The following GRM8 variants were observed in gnomAD, a reference collection of about 807,000 sequenced individuals.
The protein encoded by GRM8 is glutamate metabotropic receptor 8.
GRM8 carries 47 observed loss-of-function variants against 87.2 expected under a neutral mutation model. That is an observed-to-expected ratio of 0.54 (90% CI 0.43 to 0.69). The LOEUF (loss-of-function observed/expected upper bound fraction) is 0.69. Among genes scored for constraint, GRM8 ranks in the 30% least tolerant of loss-of-function variants. GRM8 has a pLI of 0.00. For missense variants in GRM8, 1,019 were observed against 1,139.2 expected (o/e 0.89, Z 1.52); for synonymous variants, 396 against 404.5 (o/e 0.98, Z 0.25).
intron 7 of GRM8, among the ~76,000 whole-genome samples, chr7:126,646,033 A>G (rs1485162026): frequency 6.6e-6 from 1 of 152,114 alleles, no homozygotes; most frequent in Non-Finnish European, 1.5e-5. Context: ...GTAGAGAGAA[A>G]GTGTTACATT....
chr7:126,684,286 G>T lies in GRM8; in HGVS notation c.1358-74788C>A, dbSNP rs1021321067. ...ATGCTAGAATCCTCTTGGGTCCAAG[G>T]ACTCAGCTTCAGGAAAGTGGCCCAC... is the stretch of plus-strand genomic sequence containing the variant. On this transcript the variant is annotated intron_variant, in intron 7 of 10. Transcript: ENST00000339582. Among the ~76,000 whole-genome samples the T allele has an allele frequency of 1.6e-4, 25 of 152,110 alleles. 1 individual carries two copies. Among genetic ancestry groups the T allele is most frequent in the Admixed American group, 1.6e-3 (25 of 15,282 alleles).
At chr7:126,473,623 C>T (rs1201894729) in intron 9 of GRM8, among the ~76,000 whole-genome samples, 1 of 152,052 alleles carries the variant, frequency 6.6e-6, no homozygotes, top group Non-Finnish European at 1.5e-5. Flanking sequence ...GTTGGGAAGG[C>T]ATAGTTAGTT....
intron 7 of GRM8, among the ~76,000 whole-genome samples, chr7:126,649,476 G>T (rs985114792): frequency 1.3e-5 from 2 of 152,148 alleles, no homozygotes; most frequent in African/African-American, 4.8e-5. Context: ...TTCTCAGCTT[G>T]CAGAGAGCCT....
chr7:126,730,718 T>G (rs981486151), intron 7 of GRM8, among the ~76,000 whole-genome samples: 1 of 152,092 alleles, frequency 6.6e-6, no homozygotes, highest in African/African-American at 2.4e-5. Flanking sequence ...AGTTGGTAAC[T>G]GCTTAAATAT....
chr7:127,123,817 C>G (rs1827212391), intron 2 of GRM8, among the ~76,000 whole-genome samples: 1 of 152,064 alleles, frequency 6.6e-6, no homozygotes, highest in Non-Finnish European at 1.5e-5. Flanking sequence ...GAAATAGAAG[C>G]CATCAGTTAA....
intron 3 of GRM8, among the ~76,000 whole-genome samples, chr7:127,026,894 C>T (rs994498811): frequency 1.3e-5 from 2 of 152,128 alleles, no homozygotes; most frequent in Non-Finnish European, 2.9e-5. Flanking sequence ...GTGTTTTAGT[C>T]ATGAAGTCTT....
intron 8 of GRM8, among the ~76,000 whole-genome samples, chr7:126,556,337 TAAA>T (rs3038820): frequency 1.5e-4 from 17 of 111,318 alleles, no homozygotes; most frequent in African/African-American, 2.0e-4. Context: ...TTCTCCTCTT[TAAA>T]AAAAAAAAAA....
At chr7:126,741,299 GA>G (rs1414544340) in intron 7 of GRM8, among the ~76,000 whole-genome samples, 6 of 151,982 alleles carry the variant, frequency 3.9e-5, no homozygotes, top group Non-Finnish European at 7.4e-5. Flanking sequence ...CCAATACACA[GA>G]AGTCACTAAC....
At chr7:127,014,987 G>GGAA (rs1177480885) in intron 3 of GRM8, among the ~76,000 whole-genome samples, 1 of 98,486 alleles carries the variant, frequency 1.0e-5, no homozygotes, top group African/African-American at 4.0e-5. Context: ...AAGGAGAAGA[G>GGAA]GAAGAAGAAG....
chr7:126,985,186 C>T (rs961839547), intron 3 of GRM8, among the ~76,000 whole-genome samples: 5 of 152,114 alleles, frequency 3.3e-5, no homozygotes, highest in African/African-American at 4.8e-5. Flanking sequence ...TTCCTTGTCA[C>T]GTGCATGAAG....
intron 3 of GRM8, among the ~76,000 whole-genome samples, chr7:126,908,188 T>A (rs954662967): frequency 3.4e-4 from 52 of 151,990 alleles, no homozygotes; most frequent in African/African-American, 1.2e-3. Flanking sequence ...GTATTTGAAG[T>A]GTTGTGGGGC....
At chr7:127,222,574 C>T (rs772421909) in intron 2 of GRM8, among the ~76,000 whole-genome samples, 62 of 152,286 alleles carry the variant, frequency 4.1e-4, no homozygotes, top group Non-Finnish European at 5.1e-4. Context: ...GACTTGTTTA[C>T]ATAAAACAGC....
Position 127,114,344 on chromosome 7 carries a change from G to A in GRM8, c.511-7632C>T, listed in dbSNP as rs556240263. ...ATCATGGGGTCAAGGAGAGCCAGGA[G>A]TACACTATATTGCACCATATTTTTA... On this transcript the variant is annotated intron_variant, in intron 2 of 10. Transcript: ENST00000339582. 6.0e-4 allele frequency among the ~76,000 whole-genome samples: 91 copies of A among 152,276 alleles called. 1 individual carries two copies. The highest frequency in any genetic ancestry group is 6.0e-3 in the Admixed American group (91 of 15,284).
intron 3 of GRM8, among the ~76,000 whole-genome samples, chr7:127,035,896 G>A (rs534020713): frequency 4.3e-4 from 66 of 152,088 alleles, no homozygotes; most frequent in African/African-American, 1.2e-3. Context: ...CACATGTCAC[G>A]ACTTCCACCA....
intron 9 of GRM8, among the ~76,000 whole-genome samples, chr7:126,510,050 C>T (rs1811099191): frequency 6.6e-6 from 1 of 151,956 alleles, no homozygotes; most frequent in South Asian, 2.1e-4. Flanking sequence ...AGATGACATG[C>T]ACCTGTAGCA....
At chr7:126,663,663 T>C (rs1187070363) in intron 7 of GRM8, among the ~76,000 whole-genome samples, 1 of 152,180 alleles carries the variant, frequency 6.6e-6, no homozygotes, top group Non-Finnish European at 1.5e-5. Flanking sequence ...GAGCCATCTA[T>C]GACAAACTCA....
At chr7:126,543,586 AG>A (rs148027836) in intron 8 of GRM8, among the ~76,000 whole-genome samples, 2,705 of 152,292 alleles carry the variant, frequency 0.018, 97 homozygotes, top group African/African-American at 0.061. Flanking sequence ...TTCACTGAAA[AG>A]GGGCGTACAA....
chr7:126,468,602 TC>T (rs768712030), intron 9 of GRM8, among the ~76,000 whole-genome samples: 10 of 152,120 alleles, frequency 6.6e-5, no homozygotes, highest in Admixed American at 1.3e-4. Context: ...GTCTTGCATT[TC>T]ATTGCCATTA....
At chr7:126,486,715 A>T (rs977238588) in intron 9 of GRM8, among the ~76,000 whole-genome samples, 4 of 152,148 alleles carry the variant, frequency 2.6e-5, no homozygotes. Flanking sequence ...ATATTTAAAC[A>T]ATTATGTATT....
Sources: gnomAD v4.1 joint callset for allele counts (sites outside exome capture counted in the v4.1 genomes callset) on GRCh38, gnomAD v4.1.1 for gene constraint, MANE v1.5 for transcripts, NCBI Gene and HGNC (gene_info 2026-07-23, HGNC 2026-07-21) for gene names.